PPP2R3B: variants seen among roughly 807,000 people sequenced by gnomAD.
PPP2R3B encodes serine/threonine-protein phosphatase 2A regulatory subunit B'' subunit beta.
PPP2R3B carries 68 observed loss-of-function variants against 72.9 expected under a neutral mutation model. The ratio of observed to expected loss-of-function variants is 0.93; its 90% CI spans 0.77 to 1.14. The LOEUF is 1.14. Ranked by LOEUF, PPP2R3B falls within the 50% of genes most tolerant of loss-of-function variation. PPP2R3B has a pLI of 0.00. For missense variants in PPP2R3B, 1,018 were observed against 842.0 expected (o/e 1.21, Z -2.59); for synonymous variants, 466 against 375.8 (o/e 1.24, Z -2.78).
At chrX:369,661 C>T (rs1339020859) in intron 1 of PPP2R3B, among the ~76,000 whole-genome samples, 1 of 152,226 alleles carries the variant, frequency 6.6e-6, no homozygotes, top group Non-Finnish European at 1.5e-5. Context: ...CTCGGGCAGA[C>T]CCCCGCATGT....
At chrX:336,260 A>G (rs2070886391) in intron 12 of PPP2R3B, 1 of 152,242 alleles carries the variant, frequency 6.6e-6, no homozygotes, top group South Asian at 2.1e-4. Flanking sequence ...CTATCCTGGG[A>G]ACACGAGGCT....
chrX:366,963 GGGTGCGGTGAGCTGA>G (rs2071728632), intron 1 of PPP2R3B, among the ~76,000 whole-genome samples: 2 of 151,854 alleles, frequency 1.3e-5, no homozygotes, highest in Non-Finnish European at 2.9e-5. Flanking sequence ...GGGAGGCGGA[GGGTGCGGTGAGCTGA>G]GGTCGCACCA....
chrX:376,198 GAAAAA>G (rs59781955), intron 1 of PPP2R3B, among the ~76,000 whole-genome samples: 13,498 of 115,788 alleles, frequency 0.12, 649 homozygotes, highest in Middle Eastern at 0.18. Flanking sequence ...TCTCAAAAAG[GAAAAA>G]AAAAAAAAAA....
intron 1 of PPP2R3B, among the ~76,000 whole-genome samples, chrX:386,087 T>C (rs1271508344): frequency 6.6e-6 from 1 of 151,964 alleles, no homozygotes; most frequent in Non-Finnish European, 1.5e-5. Context: ...GTCTCAAAAT[T>C]AAAACAAATT....
Position 333,957 on chromosome X carries a change from G to A in PPP2R3B, c.*410C>T, listed in dbSNP as rs1042007641. The A allele has an allele frequency of 9.0e-5, 15 of 166,520 alleles. No individual in the cohort carries two copies. Among genetic ancestry groups the A allele is most frequent in the Non-Finnish European group, 1.4e-4 (11 of 77,972 alleles). The allele number at this position is 166,520 out of a possible 1,614,324, so 10.3% of individuals were successfully genotyped here. A position where few individuals can be genotyped will look rare whatever the true frequency, so the allele number is the denominator to read the frequency against. Reference sequence around the variant, plus strand: ...ATCCTCCAAACGTACAAGCGTGATCGCCAGAAACGGTTTTGTACGTTTACA... The same window carrying A: ...ATCCTCCAAACGTACAAGCGTGATCACCAGAAACGGTTTTGTACGTTTACA... On this transcript the variant is annotated 3_prime_UTR_variant, in exon 13 of 13. Coordinates refer to ENST00000390665, the MANE Select transcript of PPP2R3B (RefSeq NM_013239.5).
At chrX:378,210 C>T (rs780586335) in intron 1 of PPP2R3B, among the ~76,000 whole-genome samples, 7 of 152,324 alleles carry the variant, frequency 4.6e-5, no homozygotes, top group East Asian at 1.9e-4. Flanking sequence ...AAGCCCCTCA[C>T]GGCACCCGAA....
At chrX:342,055 A>AGCCCCGGG (rs1303414125) in intron 7 of PPP2R3B, 124 bp from the exon 8 acceptor site, 3 of 1,294,636 alleles carry the variant, frequency 2.3e-6, no homozygotes, top group Non-Finnish European at 3.4e-6. Context: ...GGTCTGGGAG[A>AGCCCCGGG]GCCCCGGGGC....
At chrX:346,298 C>T (rs1250844498) in intron 5 of PPP2R3B, 38 bp from the exon 6 acceptor site, 1 of 1,530,164 alleles carries the variant, frequency 6.5e-7, no homozygotes, top group Non-Finnish European at 8.8e-7. Context: ...TGCGCAGAGA[C>T]CCCCAGGAGC....
chrX:383,579 T>C (rs2072171183), intron 1 of PPP2R3B, among the ~76,000 whole-genome samples: 1 of 152,048 alleles, frequency 6.6e-6, no homozygotes, highest in Non-Finnish European at 1.5e-5. Context: ...GGCTCACACC[T>C]GTAATCCCAA....
At chrX:364,160 C>G (rs2071630386) in intron 1 of PPP2R3B, among the ~76,000 whole-genome samples, 1 of 152,224 alleles carries the variant, frequency 6.6e-6, no homozygotes, top group African/African-American at 2.4e-5. Flanking sequence ...AACGCAGGGT[C>G]CTCCGGGGAA....
intron 2 of PPP2R3B, among the ~76,000 whole-genome samples, chrX:352,616 G>A (rs1227784572): frequency 7.0e-6 from 1 of 142,934 alleles, no homozygotes; most frequent in African/African-American, 2.6e-5. Flanking sequence ...CCTCAGAGTA[G>A]CTCCCTGAGC....
At chrX:339,034 T>A (rs1289813189) in intron 10 of PPP2R3B, 138 bp from the exon 11 acceptor site, 4 of 765,076 alleles carry the variant, frequency 5.2e-6, no homozygotes, top group Non-Finnish European at 9.2e-6. Context: ...GTGTTTGACG[T>A]GAAAGGCGGA....
At chrX:367,225 A>G (rs1053934271) in intron 1 of PPP2R3B, among the ~76,000 whole-genome samples, 1 of 152,136 alleles carries the variant, frequency 6.6e-6, no homozygotes, top group African/African-American at 2.4e-5. Context: ...AAACCTCGGC[A>G]GCTGACCACA....
At chrX:383,867 A>AC (rs2072183786) in intron 1 of PPP2R3B, among the ~76,000 whole-genome samples, 26 of 138,536 alleles carry the variant, frequency 1.9e-4, no homozygotes, top group African/African-American at 7.0e-4. Context: ...AAAAAAAAAA[A>AC]CCAAAAAAAC....
intron 7 of PPP2R3B, chrX:342,231 G>A (rs2738360): frequency 0.061 from 34,074 of 561,186 alleles, 1,254 homozygotes; most frequent in Middle Eastern, 0.093. Context: ...CAGACGGAGA[G>A]AGAGACCTCG....
intron 1 of PPP2R3B, among the ~76,000 whole-genome samples, chrX:367,618 C>G (rs948655031): frequency 6.6e-6 from 1 of 151,938 alleles, no homozygotes; most frequent in African/African-American, 2.4e-5. Flanking sequence ...GTACTCCAAA[C>G]GAGAGAAAAG....
rs181716162 is a variant in PPP2R3B, at chrX:342,013, C to T, written c.1037-82G>A. The T allele has an allele frequency of 2.1e-3, 3,239 of 1,533,772 alleles. 10 individuals carry two copies. Among genetic ancestry groups the T allele is most frequent in the South Asian group, 2.8e-3 (251 of 89,436 alleles). On this transcript the variant is annotated intron_variant, in intron 7 of 12. Coordinates refer to ENST00000390665, the MANE Select transcript of PPP2R3B (RefSeq NM_013239.5). ...CACCCCCCGGAGCCGAGACTGGATG[C>T]GGTGGGGACCGAAAAGCTGAGAGGA... is the stretch of plus-strand genomic sequence containing the variant.
In PPP2R3B at chrX:384,298, AC is replaced by A. The variant is rs1234586644; in HGVS notation, c.324+2069del. Among the ~76,000 whole-genome samples, 776 of 142,590 alleles carry A rather than the reference AC, an allele frequency of 5.4e-3. 6 individuals are homozygous for A. Among genetic ancestry groups the A allele is most frequent in the African/African-American group, 0.02 (729 of 35,990 alleles). The allele number at this position is 142,590 out of a possible 152,430, so 93.5% of individuals were successfully genotyped here. On this transcript the variant is annotated intron_variant, in intron 1 of 12. Coordinates refer to ENST00000390665, the MANE Select transcript of PPP2R3B (RefSeq NM_013239.5). ...TCTCTCTCTCTATATATATATATATACTTTTTTTTTTTTTTTGAGACAGGGC... is the reference window on the plus strand; with the variant it reads ...TCTCTCTCTCTATATATATATATATATTTTTTTTTTTTTTTGAGACAGGGC...
intron 1 of PPP2R3B, among the ~76,000 whole-genome samples, chrX:367,501 G>A (rs761328359): frequency 8.6e-5 from 13 of 151,942 alleles, no homozygotes; most frequent in South Asian, 2.1e-4. Context: ...GGCCTCCAGC[G>A]ATTCTCCTGC....
Sources: allele counts gnomAD v4.1 joint callset (sites outside exome capture counted in the v4.1 genomes callset), GRCh38; gene constraint gnomAD v4.1.1; transcripts MANE v1.5; gene names NCBI Gene and HGNC (gene_info 2026-07-23, HGNC 2026-07-21).